The following ADAMTSL3 variants were observed in gnomAD, a reference collection of about 807,000 sequenced individuals.
The protein encoded by ADAMTSL3 is ADAMTS like 3, also known as ADAMTS-like protein 3.
In ADAMTSL3, 128 loss-of-function variants were observed where a neutral mutation model predicts 201.7. That is an observed-to-expected ratio of 0.63 (90% confidence interval 0.55 to 0.73). The LOEUF is 0.73. Among genes scored for constraint, ADAMTSL3 ranks in the 30% least tolerant of loss-of-function variants. ADAMTSL3 has a pLI of 0.00. For missense variants in ADAMTSL3, 1,990 were observed against 2,119.6 expected, an observed-to-expected ratio of 0.94 and a Z score of 1.20; for synonymous variants, 738 against 748.4, an observed-to-expected ratio of 0.99 and a Z score of 0.23.
At chr15:83,734,326 G>A (rs1037006484) in intron 3 of ADAMTSL3, among the ~76,000 whole-genome samples, 2 of 152,130 alleles carry the variant, frequency 1.3e-5, no homozygotes. Flanking sequence ...ATGTGAATCT[G>A]GATTTGTAGA....
chr15:83,773,159 ACT>A (rs2141751734), intron 3 of ADAMTSL3, among the ~76,000 whole-genome samples: 1 of 151,974 alleles, frequency 6.6e-6, no homozygotes, highest in East Asian at 1.9e-4. Flanking sequence ...TTAGAAGATG[ACT>A]CTGGATTTGG....
intron 23 of ADAMTSL3, among the ~76,000 whole-genome samples, chr15:84,012,019 G>A (rs368427868): frequency 6.6e-6 from 1 of 152,122 alleles, no homozygotes; most frequent in Non-Finnish European, 1.5e-5. Context: ...GTGTATATGT[G>A]TAGAAGAAAA....
chr15:83,812,604 G>A (rs1448136074), intron 5 of ADAMTSL3, among the ~76,000 whole-genome samples: 1 of 152,180 alleles, frequency 6.6e-6, no homozygotes, highest in Non-Finnish European at 1.5e-5. Flanking sequence ...TATGGAGAAG[G>A]AGGTGTTTCT....
intron 3 of ADAMTSL3, among the ~76,000 whole-genome samples, chr15:83,714,637 G>T (rs1287196306): frequency 1.3e-5 from 2 of 151,630 alleles, no homozygotes; most frequent in African/African-American, 4.8e-5. Flanking sequence ...TAGGCCTCCT[G>T]CTTTCCTTTC....
chr15:83,673,028 C>T (rs1270628224), intron 2 of ADAMTSL3, among the ~76,000 whole-genome samples: 2 of 152,220 alleles, frequency 1.3e-5, no homozygotes, highest in Non-Finnish European at 2.9e-5. Context: ...TTCTGGGATG[C>T]ATTAGCAGCT....
chr15:83,772,291 C>T (rs920152247), intron 3 of ADAMTSL3, among the ~76,000 whole-genome samples: 1 of 152,184 alleles, frequency 6.6e-6, no homozygotes, highest in Non-Finnish European at 1.5e-5. Context: ...TAGCATTTTA[C>T]AGTATTGAGT....
rs546850965 is a variant in ADAMTSL3 at position 83,996,000 on chromosome 15, A to G, written c.3973+4786A>G. 2.0e-5 allele frequency among the ~76,000 whole-genome samples: 3 copies of G among 152,342 alleles called. No homozygotes were observed. The South Asian group carries it at 6.2e-4, about 32-fold the overall frequency. On this transcript the variant is annotated intron_variant, in intron 23 of 29. Transcript: ENST00000286744. ...GAAACTAAAATTTAATAGCAGTAGA[A>G]TTAAAAACCAATAAAGGACAGACTA... is the stretch of plus-strand genomic sequence containing the variant.
intron 15 of ADAMTSL3, among the ~76,000 whole-genome samples, chr15:83,904,553 G>A (rs1224216293): frequency 6.6e-6 from 1 of 152,180 alleles, no homozygotes; most frequent in Admixed American, 6.5e-5. Flanking sequence ...GGGAGCGGAT[G>A]TTCAAAAGGC....
intron 3 of ADAMTSL3, among the ~76,000 whole-genome samples, chr15:83,758,759 T>A (rs2062761268): frequency 6.6e-6 from 1 of 151,904 alleles, no homozygotes; most frequent in African/African-American, 2.4e-5. Context: ...GGGCTATTTC[T>A]TTTTTTTGTT....
At chr15:83,776,358 G>A (rs956207602) in intron 4 of ADAMTSL3, among the ~76,000 whole-genome samples, 4 of 152,268 alleles carry the variant, frequency 2.6e-5, no homozygotes, top group South Asian at 2.1e-4. Flanking sequence ...CACATATCCT[G>A]CCTTCAAGGT....
At chr15:83,916,286 A>G (rs11633301) in intron 16 of ADAMTSL3, among the ~76,000 whole-genome samples, 95,324 of 152,008 alleles carry the variant, frequency 0.63, 30,985 homozygotes, top group African/African-American at 0.79. Context: ...GTAAGCAGCA[A>G]TTTAGCCTTA....
intron 3 of ADAMTSL3, among the ~76,000 whole-genome samples, chr15:83,768,532 A>T (rs1220121011): frequency 6.6e-6 from 1 of 152,162 alleles, no homozygotes; most frequent in African/African-American, 2.4e-5. Context: ...GCAAATTTCG[A>T]TGTGCGCCAA....
At chr15:83,976,306 G>A (rs1003001376) in intron 20 of ADAMTSL3, among the ~76,000 whole-genome samples, 3 of 152,092 alleles carry the variant, frequency 2.0e-5, no homozygotes, top group South Asian at 4.2e-4. Flanking sequence ...TGTGTTTCAG[G>A]GAGAGGCAGG....
intron 6 of ADAMTSL3, among the ~76,000 whole-genome samples, chr15:83,831,533 C>G (rs1403284255): frequency 1.3e-5 from 2 of 152,106 alleles, no homozygotes; most frequent in African/African-American, 4.8e-5. Context: ...GAAGTGCCCT[C>G]TTTATTTATT....
In ADAMTSL3 at chr15:83,858,817, C is replaced by T; in HGVS notation, c.779C>T (p.Thr260Ile). Residue 260 changes from threonine (T) to isoleucine (I), a missense_variant, in exon 8 of 30, where the codon ACA becomes ATA. Coordinates refer to ENST00000286744, the MANE Select transcript of ADAMTSL3 (RefSeq NM_207517.3). ...VPLGSRSVRI[T>I]VKGPAHLFIE... ...TTGGGAAGTCGAAGTGTGAGAATTA[C>T]AGTGAAAGGACCTGCCCACCTCTGT... The T allele has an allele frequency of 1.9e-6, 3 of 1,613,330 alleles. No homozygotes were observed.
intron 15 of ADAMTSL3, among the ~76,000 whole-genome samples, chr15:83,909,780 A>G (rs1780127894): frequency 6.6e-6 from 1 of 151,806 alleles, no homozygotes; most frequent in African/African-American, 2.4e-5. Flanking sequence ...ATGCCTGGCT[A>G]ATTTTTTGTA....
intron 2 of ADAMTSL3, among the ~76,000 whole-genome samples, chr15:83,688,736 G>T (rs1013210888): frequency 8.9e-6 from 1 of 112,594 alleles, no homozygotes; most frequent in East Asian, 2.8e-4. Flanking sequence ...CTAGTGTTAA[G>T]TATACACATG....
At chr15:83,878,657 T>C (rs1567208694) in intron 9 of ADAMTSL3, among the ~76,000 whole-genome samples, 1 of 152,136 alleles carries the variant, frequency 6.6e-6, no homozygotes, top group Non-Finnish European at 1.5e-5. Flanking sequence ...ATTATTTTAT[T>C]GTTTGTTAAA....
At chr15:84,034,253 G>A (rs1161481807) in intron 28 of ADAMTSL3, among the ~76,000 whole-genome samples, 1 of 152,146 alleles carries the variant, frequency 6.6e-6, no homozygotes, top group Non-Finnish European at 1.5e-5. Flanking sequence ...CTGTAGGTAG[G>A]TGAGGTGTTA....
Sources: gnomAD v4.1 joint callset for allele counts (sites outside exome capture counted in the v4.1 genomes callset) on GRCh38, gnomAD v4.1.1 for gene constraint, MANE v1.5 for transcripts, NCBI Gene and HGNC (gene_info 2026-07-23, HGNC 2026-07-21) for gene names.